Variants in C2orf66 observed in about 807,000 individuals in gnomAD.
C2orf66 encodes chromosome 2 open reading frame 66, also known as uncharacterized protein C2orf66.
C2orf66 carries 6 observed loss-of-function variants against 7.0 expected under a neutral mutation model. The ratio of observed to expected loss-of-function variants is 0.86; its 90% confidence interval spans 0.47 to 1.69. C2orf66 has a LOEUF of 1.69. Among genes scored for constraint, C2orf66 ranks in the 40% most tolerant of loss-of-function variants. The pLI is 0.01. For synonymous variants in C2orf66, 38 were observed against 43.8 expected (o/e 0.87, Z 0.52); for missense variants, 107 against 112.0 (o/e 0.96, Z 0.20).
the C2orf66 span, among the ~76,000 whole-genome samples, chr2:196,827,494 T>C: frequency 6.6e-6 from 1 of 152,140 alleles, no homozygotes; most frequent in Non-Finnish European, 1.5e-5. Flanking sequence ...CCCAATCCTG[T>C]ACACCACCTT....
the C2orf66 span, among the ~76,000 whole-genome samples, chr2:196,822,929 A>C: frequency 6.6e-6 from 1 of 152,106 alleles, no homozygotes; most frequent in Non-Finnish European, 1.5e-5. Flanking sequence ...TCTGTCTTTA[A>C]GTAGGGATAA....
chr2:196,825,165 G>A, the C2orf66 span, among the ~76,000 whole-genome samples: 3 of 151,108 alleles, frequency 2.0e-5, no homozygotes, highest in Non-Finnish European at 4.4e-5. Context: ...ACCCAGGATG[G>A]GGAGGTTGTA....
At chr2:196,817,525 G>A in the C2orf66 span, among the ~76,000 whole-genome samples, 4 of 152,008 alleles carry the variant, frequency 2.6e-5, no homozygotes, top group Middle Eastern at 3.2e-3. Flanking sequence ...TTGTGCCACC[G>A]CACCTGGCCG....
upstream of C2orf66, among the ~76,000 whole-genome samples, chr2:196,813,722 A>G (rs192631047): frequency 4.5e-4 from 68 of 152,352 alleles, no homozygotes; most frequent in Non-Finnish European, 1.0e-4. Context: ...GAACTTAAAC[A>G]AATTCACAAG....
chr2:196,817,536 C>T, the C2orf66 span, among the ~76,000 whole-genome samples: 10 of 152,142 alleles, frequency 6.6e-5, no homozygotes, highest in African/African-American at 2.4e-4. Context: ...CACCTGGCCG[C>T]ACGTATTGTC....
chr2:196,818,056 T>C, the C2orf66 span, among the ~76,000 whole-genome samples: 1 of 152,188 alleles, frequency 6.6e-6, no homozygotes, highest in Admixed American at 6.5e-5. Flanking sequence ...ATAACAGGAT[T>C]AAGAGATTAA....
chr2:196,819,724 T>C, the C2orf66 span, among the ~76,000 whole-genome samples: 2 of 152,226 alleles, frequency 1.3e-5, no homozygotes, highest in Non-Finnish European at 2.9e-5. Context: ...CACAGTGTAG[T>C]TATATCACAA....
intron 1 of C2orf66, 24 bp downstream of exon 1, chr2:196,809,190 C>G (rs1305947951): frequency 6.2e-7 from 1 of 1,608,616 alleles, no homozygotes. Flanking sequence ...TATCCTGAAA[C>G]CCAGGCCCCA....
the C2orf66 span, among the ~76,000 whole-genome samples, chr2:196,829,568 G>GA: frequency 6.8e-6 from 1 of 146,076 alleles, no homozygotes; most frequent in Non-Finnish European, 1.5e-5. Context: ...CAGCCTGGGC[G>GA]AAAGAGCCAG....
chr2:196,822,696 G>A, the C2orf66 span, among the ~76,000 whole-genome samples: 2 of 152,170 alleles, frequency 1.3e-5, no homozygotes, highest in African/African-American at 4.8e-5. Context: ...GACGGGATGG[G>A]GAAAAATACT....
At chr2:196,821,739 C>A in the C2orf66 span, among the ~76,000 whole-genome samples, 10 of 151,764 alleles carry the variant, frequency 6.6e-5, no homozygotes, top group African/African-American at 2.4e-4. Context: ...GAAAGAAATA[C>A]CATTCTTAAA....
chr2:196,831,225 G>A, the C2orf66 span, among the ~76,000 whole-genome samples: 4 of 152,002 alleles, frequency 2.6e-5, no homozygotes, highest in South Asian at 2.1e-4. Flanking sequence ...TCCCATTTTC[G>A]GCCAGCCTCT....
chr2:196,812,905 C>T (rs925216068), upstream of C2orf66, among the ~76,000 whole-genome samples: 1 of 152,058 alleles, frequency 6.6e-6, no homozygotes, highest in Non-Finnish European at 1.5e-5. Context: ...GGAGAACTAC[C>T]AACCACTGCT....
chr2:196,826,339 AT>A, the C2orf66 span, among the ~76,000 whole-genome samples: 1 of 152,170 alleles, frequency 6.6e-6, no homozygotes, highest in Non-Finnish European at 1.5e-5. Context: ...AACCTTCTAA[AT>A]TTTTTAATTT....
the C2orf66 span, among the ~76,000 whole-genome samples, chr2:196,830,229 T>C: frequency 2.0e-5 from 3 of 152,316 alleles, no homozygotes; most frequent in East Asian, 5.8e-4. Context: ...GATTGAGAAT[T>C]ACTTTTGGGG....
chr2:196,822,020 T>C, the C2orf66 span, among the ~76,000 whole-genome samples: 1 of 134,776 alleles, frequency 7.4e-6, no homozygotes, highest in Non-Finnish European at 1.5e-5. Context: ...ATCCAAGCGA[T>C]TCTCCTGCCT....
At chr2:196,817,076 A>T in the C2orf66 span, among the ~76,000 whole-genome samples, 1 of 152,136 alleles carries the variant, frequency 6.6e-6, no homozygotes, top group Non-Finnish European at 1.5e-5. Context: ...TTCAAAGGGT[A>T]AAAAGGAGAA....
chr2:196,820,424 A>C, the C2orf66 span, among the ~76,000 whole-genome samples: 1 of 152,154 alleles, frequency 6.6e-6, no homozygotes, highest in Non-Finnish European at 1.5e-5. Flanking sequence ...CCTTTTAACT[A>C]ATTATTTAGA....
the C2orf66 span, among the ~76,000 whole-genome samples, chr2:196,825,515 C>T: frequency 2.0e-5 from 3 of 152,188 alleles, no homozygotes; most frequent in Non-Finnish European, 1.5e-5. Context: ...GTAATCATCT[C>T]ATGGTGTATA....
Sources: gnomAD v4.1 joint callset for allele counts (sites outside exome capture counted in the v4.1 genomes callset) on GRCh38, gnomAD v4.1.1 for gene constraint, MANE v1.5 for transcripts, NCBI Gene and HGNC (gene_info 2026-07-23, HGNC 2026-07-21) for gene names.